CTSB: variants seen among roughly 807,000 people sequenced by gnomAD.
CTSB encodes APP secretase.
A neutral mutation model predicts 44.3 loss-of-function variants in CTSB; 57 were observed. The ratio of observed to expected loss-of-function variants is 1.29; its 90% CI spans 1.04 to 1.60. CTSB has a LOEUF of 1.60. CTSB is among the 40% of genes most tolerant of loss of function. The pLI, the probability that CTSB is intolerant of heterozygous loss-of-function variation, is 0.00. For synonymous variants in CTSB, 320 were observed against 168.0 expected (o/e 1.91, Z -7.00); for missense variants, 768 against 443.0 (o/e 1.73, Z -6.59).
chr8:11,862,206 CAA>C (rs573172612), intron 1 of CTSB: 34 of 88,378 alleles, frequency 3.8e-4, no homozygotes, highest in Admixed American at 3.9e-4. Flanking sequence ...GACTCCATCT[CAA>C]AAAAAAAAAA....
intron 1 of CTSB, among the ~76,000 whole-genome samples, chr8:11,860,797 C>G (rs1041084253): frequency 6.6e-6 from 1 of 152,190 alleles, no homozygotes; most frequent in African/African-American, 2.4e-5. Flanking sequence ...TACTTTGTTT[C>G]TTTCTCTTCT....
At position 11,849,054 on chromosome 8, in the gene CTSB, A is replaced by G. The variant is rs140800384; in HGVS notation, c.438T>C (p.Cys146=). 6.2e-7 allele frequency: 1 copy of G among 1,611,594 alleles called. No individual in the cohort carries two copies. Among genetic ancestry groups the G allele is most frequent in the African/African-American group, 1.3e-5 (1 of 75,000 alleles). The change falls in exon 5 of 10, where the codon TGT becomes TGC. Residue 146 remains cysteine, a synonymous_variant. Transcript: ENST00000353047. ...EDLLTCCGSM[C]GDGCNGGYPA... The stretch of plus-strand genomic sequence containing the variant: ...AGCACAGCCTGACTCACCCGTCCCC[A>G]CACATGCTGCCACAGCATGTGAGCA...
intron 1 of CTSB, among the ~76,000 whole-genome samples, chr8:11,866,581 A>G (rs763043994): frequency 2.6e-5 from 4 of 152,194 alleles, no homozygotes; most frequent in Non-Finnish European, 5.9e-5. Context: ...ACCAGAGCCA[A>G]CAAGAAACAG....
Position 11,844,411 on chromosome 8 carries a change from C to A in CTSB, c.*714G>T, listed in dbSNP as rs1812843478. The A allele has an allele frequency of 6.6e-6, 1 of 152,194 alleles. No individual in the cohort carries two copies. The highest frequency in any genetic ancestry group is 2.4e-5 in the African/African-American group (1 of 41,434). The allele number at this position is 152,194 out of a possible 1,614,324, so 9.4% of individuals were successfully genotyped here. ...TTTCAAAAACAGTAAAAGCTGGTTT[C>A]TCCTAAACTATTTTCCTTGTGGTAG... On this transcript the variant is annotated 3_prime_UTR_variant, in exon 10 of 10. Coordinates refer to ENST00000353047, the MANE Select transcript of CTSB (RefSeq NM_001908.5).
intron 5 of CTSB, chr8:11,848,832 A>C: frequency 2.1e-6 from 1 of 482,602 alleles, no homozygotes; most frequent in Admixed American, 3.3e-5. Context: ...CTGGGATGCC[A>C]CCCCTCAGAC....
rs200815124 is a variant in CTSB, at chr8:11,848,160, G to C, written c.447-8C>G. On this transcript the variant is annotated splice_region_variant and splice_polypyrimidine_tract_variant and intron_variant, in intron 5 of 9. Coordinates refer to ENST00000353047, the MANE Select transcript of CTSB (RefSeq NM_001908.5). ...GGATAGCCACCATTACAGCTGAAAA[G>C]ACAGCCTCTAATGAAAACCTCTGAG... 9.9e-6 allele frequency: 16 copies of C among 1,612,728 alleles called. No individual in the cohort carries two copies. Among genetic ancestry groups the C allele is most frequent in the Admixed American group, 1.7e-5 (1 of 60,010 alleles).
intron 1 of CTSB, chr8:11,853,767 C>T: frequency 3.3e-6 from 1 of 299,804 alleles, no homozygotes; most frequent in South Asian, 6.4e-5. Flanking sequence ...TTTTAAACGG[C>T]CTTTGCATGG....
chr8:11,860,349 A>C (rs1038716362), intron 1 of CTSB, among the ~76,000 whole-genome samples: 1 of 152,172 alleles, frequency 6.6e-6, no homozygotes, highest in Non-Finnish European at 1.5e-5. Context: ...TTGGCCGGGC[A>C]CAGTGGCACA....
At chr8:11,859,420 C>T (rs1178296119) in intron 1 of CTSB, among the ~76,000 whole-genome samples, 1 of 152,082 alleles carries the variant, frequency 6.6e-6, no homozygotes, top group African/African-American at 2.4e-5. Flanking sequence ...GTGTTAAGTC[C>T]TGACACCCTT....
chr8:11,845,206 G>A lies in CTSB; in HGVS notation c.939C>T (p.Leu313=), dbSNP rs1232911737. 1 of 1,613,212 alleles carries A rather than the reference G, an allele frequency of 6.2e-7. No individual in the cohort carries two copies. Among genetic ancestry groups the A allele is most frequent in the African/African-American group, 1.3e-5 (1 of 74,918 alleles). The change falls in exon 10 of 10, where the codon CTC becomes CTT. Residue 313 remains leucine (L), a synonymous_variant. Transcript: ENST00000353047. ...CGATTCCACAGTGATCCTGTCCTCTGAGTATTTTAAAGAAGCCTGGGAATA... is the reference window on the plus strand; with the variant it reads ...CGATTCCACAGTGATCCTGTCCTCTAAGTATTTTAAAGAAGCCTGGGAATA... The part of the protein sequence containing the change: ...DWGDNGFFKI[L]RGQDHCGIES...
intron 5 of CTSB, chr8:11,848,732 G>C (rs900717632): frequency 6.5e-6 from 2 of 309,116 alleles, no homozygotes; most frequent in Non-Finnish European, 1.3e-5. Context: ...CCCCAAACTG[G>C]TTCCCCAAGC....
At chr8:11,854,893 T>TC (rs1750268277) in intron 1 of CTSB, 1 of 152,310 alleles carries the variant, frequency 6.6e-6, no homozygotes, top group Admixed American at 6.5e-5. Context: ...AAGCACATCC[T>TC]CCGTGGAGGA....
At position 11,853,426 on chromosome 8, in the gene CTSB, C is replaced by A. The variant is rs1169676296; in HGVS notation, c.29G>T (p.Cys10Phe). 6.2e-7 allele frequency: 1 copy of A among 1,612,464 alleles called. No homozygotes were observed. The highest frequency in any genetic ancestry group is 2.2e-5 in the East Asian group (1 of 44,802). ...CCGGGCATTGGCCAACACCAGCAGG[C>A]AGCAGAGGGAGGCCCAGAGCTGCCA... MWQLWASLC[C>F]LLVLANARSR... Residue 10 changes from cysteine (C) to phenylalanine (F), a missense_variant, in exon 2 of 10, where the codon TGC becomes TTC. By Grantham distance (205) the Cys-to-Phe change is radical. Coordinates refer to ENST00000353047, the MANE Select transcript of CTSB (RefSeq NM_001908.5).
In CTSB at chr8:11,844,922, G is replaced by C. The variant is rs139283459; in HGVS notation, c.*203C>G. ...GGGAAGGACGCTCTGTGCTGGCAGC[G>C]GTGGCTCACATGGCCTGTCTGCACT... On this transcript the variant is annotated 3_prime_UTR_variant, in exon 10 of 10. Transcript: ENST00000353047. 1 of 579,912 alleles carries C rather than the reference G, an allele frequency of 1.7e-6. No individual in the cohort carries two copies. The highest frequency in any genetic ancestry group is 3.1e-6 in the Non-Finnish European group (1 of 324,208). 35.9% of individuals were successfully genotyped at this position (579,912 alleles called of 1,614,324 possible).
chr8:11,863,723 A>G lies in CTSB; in HGVS notation c.-26+4278T>C, dbSNP rs564130090. On this transcript the variant is annotated intron_variant, in intron 1 of 9. Transcript: ENST00000353047. ...ATTTGAATTTCTGGTCATGAAATTA[A>G]AACAGGGGTACCACTTCAAACCCAT... Among the ~76,000 whole-genome samples, 8 of 152,308 alleles carry G rather than the reference A, an allele frequency of 5.3e-5. 1 individual carries two copies. The Middle Eastern group carries it at 0.01, about 194-fold the overall frequency.
intron 3 of CTSB, 25 bp from the exon 4 acceptor site, chr8:11,851,005 C>T: frequency 6.4e-7 from 1 of 1,559,500 alleles, no homozygotes; most frequent in Non-Finnish European, 8.8e-7. Context: ...GTCTTCATTA[C>T]AAGCTCTGAT....
rs1418570835 is a variant in CTSB, at chr8:11,844,694, CGT to C, written c.*429_*430del. On this transcript the variant is annotated 3_prime_UTR_variant, in exon 10 of 10. Coordinates refer to ENST00000353047, the MANE Select transcript of CTSB (RefSeq NM_001908.5). Reference sequence around the variant, plus strand: ...GCGTTCTCCAAAGGGCTCCCAACACCGTCTCTCCTCTGATTTCTGTGACAAAT... The same window carrying C: ...GCGTTCTCCAAAGGGCTCCCAACACCCTCTCCTCTGATTTCTGTGACAAAT... 6.0e-6 allele frequency: 1 copy of C among 166,032 alleles called. No homozygotes were observed. The highest frequency in any genetic ancestry group is 1.3e-5 in the Non-Finnish European group (1 of 76,466). 10.3% of individuals were successfully genotyped at this position (166,032 alleles called of 1,614,324 possible). A position where few individuals can be genotyped will look rare whatever the true frequency, so the allele number is the denominator to read the frequency against.
Position 11,847,814 on chromosome 8 carries a change from G to A in CTSB, c.541C>T (p.Pro181Ser). The A allele has an allele frequency of 6.3e-7, 1 of 1,592,982 alleles. No homozygotes were observed. The highest frequency in any genetic ancestry group is 8.5e-7 in the Non-Finnish European group (1 of 1,174,242). ...TGCTCACAGGGAGGGATGGAGTACG[G>A]TCTGCACCCTGATGGGACGCGGGAG... ...GLYESHVGCR[P>S]YSIPPCEHHV... is the part of the protein sequence containing the mutation. Residue 181 changes from proline to serine, a missense_variant, in exon 7 of 10, where the codon CCG becomes TCG. Transcript: ENST00000353047.
intron 2 of CTSB, 51 bp downstream of exon 2, chr8:11,853,278 C>A: frequency 6.2e-7 from 1 of 1,602,642 alleles, no homozygotes; most frequent in Non-Finnish European, 8.5e-7. Flanking sequence ...AGTCAGTGTG[C>A]ACAGACCGAC....
Sources: gnomAD v4.1 joint callset for allele counts (sites outside exome capture counted in the v4.1 genomes callset) on GRCh38, gnomAD v4.1.1 for gene constraint, MANE v1.5 for transcripts, NCBI Gene and HGNC (gene_info 2026-07-23, HGNC 2026-07-21) for gene names.